The following CNOT8 variants were observed in gnomAD, a reference collection of about 807,000 sequenced individuals.
CNOT8 encodes CCR4-NOT transcription complex subunit 8, also known as CAF1-like protein.
In CNOT8, 18 loss-of-function variants were observed where a neutral mutation model predicts 34.6. That is an observed-to-expected ratio of 0.52 (90% confidence interval 0.36 to 0.77). The LOEUF (loss-of-function observed/expected upper bound fraction) is 0.77, where lower values mean the gene tolerates loss of function less well. Among genes scored for constraint, CNOT8 ranks in the 30% least tolerant of loss-of-function variants. CNOT8 has a pLI of 0.00. For synonymous variants in CNOT8, 101 were observed against 118.8 expected, an observed-to-expected ratio of 0.85 and a Z score of 0.98; for missense variants, 189 against 347.9, an observed-to-expected ratio of 0.54 and a Z score of 3.63.
At chr5:154,865,099 T>A in intron 2 of CNOT8, 93 bp from the exon 3 acceptor site, 1 of 1,117,094 alleles carries the variant, frequency 9.0e-7, no homozygotes, top group Non-Finnish European at 1.3e-6. Context: ...CACATAACTT[T>A]TATAAATGGA....
intron 6 of CNOT8, among the ~76,000 whole-genome samples, chr5:154,875,060 G>T (rs992635542): frequency 1.3e-5 from 2 of 151,828 alleles, no homozygotes; most frequent in Non-Finnish European, 2.9e-5. Context: ...GGGATTACAG[G>T]TATGTGCCAC....
chr5:154,861,921 A>G (rs1439142232), intron 1 of CNOT8, among the ~76,000 whole-genome samples: 6 of 152,184 alleles, frequency 3.9e-5, no homozygotes, highest in Non-Finnish European at 4.4e-5. Context: ...GATGGTCTCT[A>G]TCTCCTGACC....
intron 2 of CNOT8, among the ~76,000 whole-genome samples, chr5:154,864,009 G>GGA (rs1172126523): frequency 6.6e-6 from 1 of 152,032 alleles, no homozygotes; most frequent in African/African-American, 2.4e-5. Context: ...GACACTGGCT[G>GGA]GAGAGAGAGA....
chr5:154,871,583 A>T, intron 4 of CNOT8, 147 bp from the exon 5 acceptor site: 2 of 476,486 alleles, frequency 4.2e-6, no homozygotes, highest in Non-Finnish European at 7.4e-6. Flanking sequence ...AAAAAAAAAG[A>T]TTCAGATTAT....
intron 2 of CNOT8, among the ~76,000 whole-genome samples, chr5:154,864,196 C>T (rs556363885): frequency 6.6e-6 from 1 of 152,268 alleles, no homozygotes; most frequent in African/African-American, 2.4e-5. Flanking sequence ...CGCGGTGGCT[C>T]ACGCCTGTAA....
chr5:154,864,460 A>G (rs1357652489), intron 2 of CNOT8, among the ~76,000 whole-genome samples: 3 of 151,830 alleles, frequency 2.0e-5, no homozygotes, highest in African/African-American at 7.3e-5. Flanking sequence ...TCCGTCCCAA[A>G]AAAAAAAAAG....
In CNOT8 at chr5:154,869,622, T is replaced by G. The variant is rs528346564; in HGVS notation, c.312-1039T>G. Reference sequence around the variant, plus strand: ...CCACGTCCGGCTAATTTTTGTTTTTTTGTGTTTTTTTTTTTTTTTTTGAGA... The same window carrying G: ...CCACGTCCGGCTAATTTTTGTTTTTGTGTGTTTTTTTTTTTTTTTTTGAGA... On this transcript the variant is annotated intron_variant, in intron 3 of 6. Transcript: ENST00000285896. 2.2e-3 allele frequency among the ~76,000 whole-genome samples: 277 copies of G among 128,796 alleles called. 2 individuals carry two copies. Among genetic ancestry groups the G allele is most frequent in the Non-Finnish European group, 3.9e-3 (242 of 61,306 alleles). 84.5% of individuals were successfully genotyped at this position (128,796 alleles called of 152,430 possible).
At chr5:154,860,686 A>G (rs1761248514) in intron 1 of CNOT8, among the ~76,000 whole-genome samples, 1 of 152,202 alleles carries the variant, frequency 6.6e-6, no homozygotes, top group Non-Finnish European at 1.5e-5. Flanking sequence ...TTAAATGTGC[A>G]TAGTGCGATT....
At chr5:154,874,833 G>A (rs1472365941) in intron 6 of CNOT8, among the ~76,000 whole-genome samples, 3 of 151,890 alleles carry the variant, frequency 2.0e-5, no homozygotes, top group African/African-American at 4.8e-5. Context: ...GTGCCTGGCC[G>A]AGCCTTTCTA....
chr5:154,860,291 T>TATG (rs58094991), intron 1 of CNOT8, among the ~76,000 whole-genome samples: 9,521 of 151,672 alleles, frequency 0.063, 565 homozygotes, highest in African/African-American at 0.16. Flanking sequence ...GAATTGCTGG[T>TATG]ATGATGATGA....
chr5:154,869,632 T>G (rs901561580), intron 3 of CNOT8, among the ~76,000 whole-genome samples: 4 of 149,354 alleles, frequency 2.7e-5, no homozygotes, highest in African/African-American at 9.8e-5. Context: ...TTGTGTTTTT[T>G]TTTTTTTTTT....
chr5:154,874,684 C>T (rs1762784500), intron 6 of CNOT8, among the ~76,000 whole-genome samples: 1 of 151,682 alleles, frequency 6.6e-6, no homozygotes, highest in Admixed American at 6.6e-5. Context: ...CAGGTGCCTG[C>T]CACCACGCCT....
Position 154,861,538 on chromosome 5 carries a change from C to G in CNOT8, c.-72-1669C>G, listed in dbSNP as rs538526485. The stretch of plus-strand genomic sequence containing the variant: ...ATCTGCCAATCTTGAAAATAGGAAG[C>G]AAAGATTTTCCTTGCTCTGTCCCTT... On this transcript the variant is annotated intron_variant, in intron 1 of 6. Transcript: ENST00000285896. Among the ~76,000 whole-genome samples the G allele has an allele frequency of 2.0e-5, 3 of 152,326 alleles. No homozygotes were observed. The South Asian group carries it at 6.2e-4, about 32-fold the overall frequency.
chr5:154,867,737 TAA>T (rs35471086), intron 3 of CNOT8: 117,054 of 277,366 alleles, frequency 0.42, 27,278 homozygotes, highest in Middle Eastern at 0.51. Flanking sequence ...TTGCTTGAGC[TAA>T]AAGACATAGG....
intron 3 of CNOT8, 27 bp downstream of exon 3, chr5:154,865,412 A>C: frequency 6.5e-7 from 1 of 1,537,416 alleles, no homozygotes; most frequent in South Asian, 1.2e-5. Flanking sequence ...TAAATGCGTT[A>C]ATTTTAAGTT....
intron 1 of CNOT8, among the ~76,000 whole-genome samples, 182 bp from the exon 2 acceptor site, chr5:154,863,025 G>A (rs985225507): frequency 1.3e-5 from 2 of 152,104 alleles, no homozygotes; most frequent in Admixed American, 1.3e-4. Flanking sequence ...GTGTGTGTGT[G>A]CGTGTGTGCA....
chr5:154,872,154 T>C (rs1205272851), intron 5 of CNOT8, among the ~76,000 whole-genome samples: 2 of 152,224 alleles, frequency 1.3e-5, no homozygotes, highest in Non-Finnish European at 2.9e-5. Context: ...TTGTTAGGGA[T>C]GGGGTCTGTG....
chr5:154,869,150 G>A (rs1050039433), intron 3 of CNOT8, among the ~76,000 whole-genome samples: 6 of 151,210 alleles, frequency 4.0e-5, no homozygotes, highest in African/African-American at 9.7e-5. Context: ...ATAGAGTTTC[G>A]CTCCTGTTGC....
At chr5:154,859,951 G>C (rs1462090819) in intron 1 of CNOT8, 1 of 152,178 alleles carries the variant, frequency 6.6e-6, no homozygotes, top group Non-Finnish European at 1.5e-5. Flanking sequence ...TTTTAAGTCA[G>C]CCCGTGAGGC....
Sources: gnomAD v4.1 joint callset for allele counts (sites outside exome capture counted in the v4.1 genomes callset) on GRCh38, gnomAD v4.1.1 for gene constraint, MANE v1.5 for transcripts, NCBI Gene and HGNC (gene_info 2026-07-23, HGNC 2026-07-21) for gene names.